Variants in KCNN2 observed in about 807,000 individuals in gnomAD.
KCNN2 encodes the protein small conductance calcium-activated potassium channel protein 2.
In KCNN2, 24 loss-of-function variants were observed where a neutral mutation model predicts 55.5. The observed-to-expected ratio is 0.43, with a 90% CI of 0.31 to 0.61. The LOEUF (loss-of-function observed/expected upper bound fraction) is 0.61. Among genes scored for constraint, KCNN2 ranks in the 20% least tolerant of loss-of-function variants. KCNN2 has a pLI of 0.08. For synonymous variants in KCNN2, 431 were observed against 336.1 expected, an observed-to-expected ratio of 1.28 and a Z score of -3.09; for missense variants, 754 against 853.6, an observed-to-expected ratio of 0.88 and a Z score of 1.45.
At chr5:114,335,470 A>G (rs545463266) in intron 2 of KCNN2, among the ~76,000 whole-genome samples, 1 of 152,228 alleles carries the variant, frequency 6.6e-6, no homozygotes, top group South Asian at 2.1e-4. Context: ...AAAACTCTTA[A>G]ATGCTTTCTG....
chr5:114,171,482 T>C (rs937517288), intron 1 of KCNN2, among the ~76,000 whole-genome samples: 9 of 151,934 alleles, frequency 5.9e-5, no homozygotes, highest in Admixed American at 6.6e-5. Context: ...ATATTTCTTT[T>C]CAATACAGCA....
intron 2 of KCNN2, among the ~76,000 whole-genome samples, chr5:114,394,331 T>A (rs145644938): frequency 7.0e-4 from 106 of 152,342 alleles, no homozygotes; most frequent in Middle Eastern, 3.4e-3. Flanking sequence ...TTTTCTACTG[T>A]GCTGCTTGTC....
chr5:114,065,380 C>T (rs903243200), intron 1 of KCNN2, among the ~76,000 whole-genome samples: 1 of 152,126 alleles, frequency 6.6e-6, no homozygotes, highest in African/African-American at 2.4e-5. Flanking sequence ...AGTGGAAGGG[C>T]ACCTATGTGT....
At chr5:114,418,142 T>C (rs1311550277) in intron 3 of KCNN2, among the ~76,000 whole-genome samples, 1 of 152,248 alleles carries the variant, frequency 6.6e-6, no homozygotes, top group Admixed American at 6.5e-5. Context: ...ATATTATACA[T>C]TAAGTGTGAA....
rs10658266 is a variant in KCNN2 at position 114,232,925 on chromosome 5, G to GTTTTTTTTTTTTTTTTTTTT, written c.-185+11373_-185+11374insTTTTTTTTTTTTTTTTTTTT. Among the ~76,000 whole-genome samples, 25 of 76,274 alleles carry GTTTTTTTTTTTTTTTTTTTT rather than the reference G, an allele frequency of 3.3e-4. 4 individuals are homozygous for GTTTTTTTTTTTTTTTTTTTT. The highest frequency in any genetic ancestry group is 1.2e-3 in the East Asian group (2 of 1,722). 50.0% of individuals were successfully genotyped at this position (76,274 alleles called of 152,430 possible). On this transcript the variant is annotated intron_variant, in intron 2 of 10. Transcript: ENST00000512097. ...GAGGTAATTTTTTATATTGTTTCTTGTTTTTTTTTTTTTGAGACGGAGTCT... is the reference window on the plus strand; with the variant it reads ...GAGGTAATTTTTTATATTGTTTCTTGTTTTTTTTTTTTTTTTTTTTTTTTTTTTTTTTTGAGACGGAGTCT...
At chr5:114,313,722 A>C (rs1756449144) in intron 2 of KCNN2, among the ~76,000 whole-genome samples, 1 of 152,124 alleles carries the variant, frequency 6.6e-6, no homozygotes, top group Non-Finnish European at 1.5e-5. Flanking sequence ...TCTTCCCTTT[A>C]ATATATGTCT....
chr5:114,305,005 T>C (rs1756239625), intron 2 of KCNN2, among the ~76,000 whole-genome samples: 1 of 152,202 alleles, frequency 6.6e-6, no homozygotes, highest in Non-Finnish European at 1.5e-5. Flanking sequence ...TTTAAGATTA[T>C]ATCAGTCAGC....
At chr5:114,363,675 C>T (rs576104044) in intron 1 of KCNN2, among the ~76,000 whole-genome samples, 3 of 152,296 alleles carry the variant, frequency 2.0e-5, no homozygotes, top group East Asian at 1.9e-4. Flanking sequence ...GGCGTGGACC[C>T]AGCAGCCCAG....
chr5:114,163,801 G>A (rs1332921979), intron 1 of KCNN2, among the ~76,000 whole-genome samples: 1 of 152,170 alleles, frequency 6.6e-6, no homozygotes, highest in Non-Finnish European at 1.5e-5. Flanking sequence ...GGCATATGAA[G>A]TGCTTTACAA....
intron 2 of KCNN2, among the ~76,000 whole-genome samples, chr5:114,377,218 T>G (rs1251176647): frequency 6.6e-6 from 1 of 152,212 alleles, no homozygotes; most frequent in Non-Finnish European, 1.5e-5. Context: ...CTCCCTTTTT[T>G]GGCCTCCCCA....
intron 1 of KCNN2, among the ~76,000 whole-genome samples, chr5:114,113,292 A>G (rs1169391261): frequency 6.6e-6 from 1 of 151,944 alleles, no homozygotes; most frequent in Non-Finnish European, 1.5e-5. Context: ...CTTTCATGAA[A>G]TAATGTTTCA....
At chr5:114,408,099 A>G (rs1758996792) in intron 3 of KCNN2, among the ~76,000 whole-genome samples, 1 of 152,076 alleles carries the variant, frequency 6.6e-6, no homozygotes, top group Non-Finnish European at 1.5e-5. Flanking sequence ...TTTGGTTCTC[A>G]GTGCATGTGC....
intron 2 of KCNN2, among the ~76,000 whole-genome samples, chr5:114,261,565 T>C (rs1338597181): frequency 6.6e-6 from 1 of 152,190 alleles, no homozygotes; most frequent in African/African-American, 2.4e-5. Context: ...GAACAGGATA[T>C]ATGTTTTTGA....
intron 1 of KCNN2, among the ~76,000 whole-genome samples, chr5:114,167,284 T>C (rs955603713): frequency 1.3e-5 from 2 of 152,116 alleles, no homozygotes; most frequent in African/African-American, 4.8e-5. Flanking sequence ...TTTTAAATAA[T>C]AGTAAAATGG....
chr5:114,152,390 C>G (rs933834814), intron 1 of KCNN2, among the ~76,000 whole-genome samples: 1 of 152,104 alleles, frequency 6.6e-6, no homozygotes, highest in Admixed American at 6.6e-5. Context: ...TTGAAAATCA[C>G]CAAATAAACT....
At chr5:114,468,523 A>C (rs1761558939) in intron 4 of KCNN2, among the ~76,000 whole-genome samples, 1 of 152,144 alleles carries the variant, frequency 6.6e-6, no homozygotes, top group Non-Finnish European at 1.5e-5. Context: ...ATTTTGGATA[A>C]ATTTTAATTA....
At chr5:114,170,551 C>G (rs1319830187) in intron 1 of KCNN2, among the ~76,000 whole-genome samples, 1 of 152,006 alleles carries the variant, frequency 6.6e-6, no homozygotes, top group Admixed American at 6.6e-5. Context: ...CACACCTCCA[C>G]ATGAAGTTGG....
chr5:114,239,496 C>A (rs865851545), intron 2 of KCNN2, among the ~76,000 whole-genome samples: 2 of 152,112 alleles, frequency 1.3e-5, no homozygotes, highest in African/African-American at 4.8e-5. Context: ...TAAAATGAAG[C>A]CTAACTGGGG....
chr5:114,275,696 T>G (rs1755472867), intron 2 of KCNN2, among the ~76,000 whole-genome samples: 1 of 152,158 alleles, frequency 6.6e-6, no homozygotes, highest in Admixed American at 6.5e-5. Context: ...TTATTATTTT[T>G]TATTGCATTT....
Sources: gnomAD v4.1 joint callset for allele counts (sites outside exome capture counted in the v4.1 genomes callset) on GRCh38, gnomAD v4.1.1 for gene constraint, MANE v1.5 for transcripts, NCBI Gene and HGNC (gene_info 2026-07-23, HGNC 2026-07-21) for gene names.